Variants in DDX4 observed in about 807,000 individuals in gnomAD.
The protein encoded by DDX4 is DEAD-box helicase 4, also known as probable ATP-dependent RNA helicase DDX4.
DDX4 carries 25 observed loss-of-function variants against 100.0 expected under a neutral mutation model. That is an observed-to-expected ratio of 0.25 (90% confidence interval 0.18 to 0.35). The LOEUF is 0.35. DDX4 is among the 10% of genes least tolerant of loss of function. The pLI is 1.00. For missense variants in DDX4, 635 were observed against 882.4 expected, an observed-to-expected ratio of 0.72 and a Z score of 3.55; for synonymous variants, 259 against 275.7, an observed-to-expected ratio of 0.94 and a Z score of 0.60.
chr5:55,785,457 G>A lies in DDX4; in HGVS notation c.684G>A (p.Lys228=). 1 of 1,608,958 alleles carries A rather than the reference G, an allele frequency of 6.2e-7. No homozygotes were observed. Among genetic ancestry groups the A allele is most frequent in the Non-Finnish European group, 8.5e-7 (1 of 1,176,996 alleles). Residue 228 remains lysine, a synonymous_variant, in exon 12 of 22, where the codon AAG becomes AAA. Coordinates refer to ENST00000505374, the MANE Select transcript of DDX4 (RefSeq NM_024415.3). ...TTGATCCTCTTCAAGATTCTTGGAA[G>A]TCAGAAGCAGAAGGAGGAGAAAGTA... is the stretch of plus-strand genomic sequence containing the variant. The part of the protein sequence containing the change: ...VITGSGKNSW[K]SEAEGGESSD...
chr5:55,739,586 G>A (rs1353292173), intron 2 of DDX4, among the ~76,000 whole-genome samples: 1 of 152,122 alleles, frequency 6.6e-6, no homozygotes, highest in Non-Finnish European at 1.5e-5. Flanking sequence ...TTAAAAAGAT[G>A]AATAGAAGGT....
At position 55,785,504 on chromosome 5, in the gene DDX4, C is replaced by A; in HGVS notation, c.721+10C>A. The A allele has an allele frequency of 6.3e-7, 1 of 1,579,288 alleles. No homozygotes were observed. The highest frequency in any genetic ancestry group is 8.7e-7 in the Non-Finnish European group (1 of 1,154,272). On this transcript the variant is annotated intron_variant, in intron 12 of 21. Coordinates refer to ENST00000505374, the MANE Select transcript of DDX4 (RefSeq NM_024415.3). ...AGTAGTGATACTCAAGGTATATTAA[C>A]ATTTGTGTGACTCACATAGAAGTAT...
At chr5:55,811,047 A>C (rs184636711) in intron 18 of DDX4, among the ~76,000 whole-genome samples, 2 of 150,742 alleles carry the variant, frequency 1.3e-5, no homozygotes, top group African/African-American at 4.9e-5. Context: ...AACAGACCTA[A>C]TAAAGTCAAC....
intron 7 of DDX4, among the ~76,000 whole-genome samples, chr5:55,774,124 G>A: frequency 6.6e-6 from 1 of 150,586 alleles, no homozygotes; most frequent in East Asian, 1.9e-4. Flanking sequence ...ATTTGCAAAT[G>A]TTTATTTTTT....
chr5:55,757,176 T>C (rs902065292), intron 3 of DDX4, among the ~76,000 whole-genome samples: 1 of 152,184 alleles, frequency 6.6e-6, no homozygotes, highest in African/African-American at 2.4e-5. Context: ...GAGTAAGTTC[T>C]TTAGTGGAGA....
chr5:55,766,865 A>G, intron 6 of DDX4: 4 of 1,501,204 alleles, frequency 2.7e-6, no homozygotes, highest in South Asian at 1.3e-5. Context: ...GCCTGATGTC[A>G]TAGTAATAAC....
chr5:55,743,836 C>T (rs1217175733), intron 2 of DDX4, among the ~76,000 whole-genome samples: 3 of 151,006 alleles, frequency 2.0e-5, no homozygotes, highest in African/African-American at 7.3e-5. Flanking sequence ...ATATTAAGTT[C>T]CATAGCTTGA....
chr5:55,745,808 G>A (rs1759219131), intron 2 of DDX4, among the ~76,000 whole-genome samples: 1 of 152,096 alleles, frequency 6.6e-6, no homozygotes, highest in Admixed American at 6.6e-5. Flanking sequence ...TCTATAAAGG[G>A]CCAGATAATA....
chr5:55,803,625 T>C (rs1743478647), intron 18 of DDX4, among the ~76,000 whole-genome samples: 1 of 149,840 alleles, frequency 6.7e-6, no homozygotes, highest in Admixed American at 6.7e-5. Context: ...TGATTTCCAA[T>C]TTCATCCATG....
chr5:55,748,710 C>T (rs891733166), intron 3 of DDX4, among the ~76,000 whole-genome samples: 11 of 151,624 alleles, frequency 7.3e-5, no homozygotes, highest in African/African-American at 2.7e-4. Context: ...CAAGCCAATA[C>T]CTAAATATGC....
intron 6 of DDX4, chr5:55,767,038 C>G (rs1740968911): frequency 1.4e-6 from 2 of 1,473,390 alleles, no homozygotes; most frequent in Non-Finnish European, 1.8e-6. Context: ...ATGTTACTTA[C>G]TAATATCAAA....
chr5:55,754,551 G>C (rs1759806000), intron 3 of DDX4, among the ~76,000 whole-genome samples: 2 of 149,578 alleles, frequency 1.3e-5, no homozygotes, highest in Non-Finnish European at 3.0e-5. Context: ...TAAGCTTTTT[G>C]ATGTGCTGCT....
At chr5:55,773,557 A>G (rs947663845) in intron 7 of DDX4, among the ~76,000 whole-genome samples, 1 of 151,942 alleles carries the variant, frequency 6.6e-6, no homozygotes, top group Non-Finnish European at 1.5e-5. Context: ...CACCGATACT[A>G]GTTATTACTG....
chr5:55,809,405 A>T (rs1313584587), intron 18 of DDX4, among the ~76,000 whole-genome samples: 2 of 151,966 alleles, frequency 1.3e-5, no homozygotes, highest in Non-Finnish European at 2.9e-5. Flanking sequence ...CTTCTGCGTC[A>T]CTTATGCTGG....
intron 14 of DDX4, 149 bp from the exon 15 acceptor site, chr5:55,787,696 CT>C (rs1742328608): frequency 7.3e-6 from 6 of 824,382 alleles, no homozygotes; most frequent in Non-Finnish European, 8.7e-6. Context: ...TTAAGAACAC[CT>C]TGAAATGAAA....
At chr5:55,743,501 C>T (rs911922624) in intron 2 of DDX4, among the ~76,000 whole-genome samples, 2 of 152,170 alleles carry the variant, frequency 1.3e-5, no homozygotes, top group African/African-American at 2.4e-5. Flanking sequence ...GCAATCTCGG[C>T]TCCCTTCAAG....
intron 18 of DDX4, among the ~76,000 whole-genome samples, chr5:55,809,327 A>T (rs939548355): frequency 6.6e-6 from 1 of 151,998 alleles, no homozygotes; most frequent in African/African-American, 2.4e-5. Context: ...AGTGTCCTGC[A>T]CCCAGTTTCT....
At position 55,813,790 on chromosome 5, in the gene DDX4, A is replaced by G. The variant is rs1165249773; in HGVS notation, c.1715+18A>G. On this transcript the variant is annotated intron_variant, in intron 19 of 21. Coordinates refer to ENST00000505374, the MANE Select transcript of DDX4 (RefSeq NM_024415.3). ...ATTCATGGGTGAGTAGATGAATATA[A>G]TTACCTATTAGGGGAATGACTTCTA... The G allele has an allele frequency of 3.2e-6, 5 of 1,559,052 alleles. No individual in the cohort carries two copies. The highest frequency in any genetic ancestry group is 4.3e-6 in the Non-Finnish European group (5 of 1,157,426).
intron 18 of DDX4, among the ~76,000 whole-genome samples, chr5:55,801,340 G>T (rs1743290389): frequency 6.6e-6 from 1 of 151,368 alleles, no homozygotes; most frequent in African/African-American, 2.4e-5. Context: ...GAAGCCAAAA[G>T]ATTGGACACC....
Sources: allele counts gnomAD v4.1 joint callset (sites outside exome capture counted in the v4.1 genomes callset), GRCh38; gene constraint gnomAD v4.1.1; transcripts MANE v1.5; gene names NCBI Gene and HGNC (gene_info 2026-07-23, HGNC 2026-07-21).